The following CSMD3 variants were observed in gnomAD, a reference collection of about 807,000 sequenced individuals.
The protein encoded by CSMD3 is CUB and sushi domain-containing protein 3.
A neutral mutation model predicts 435.2 loss-of-function variants in CSMD3; 177 were observed. That is an observed-to-expected ratio of 0.41 (90% CI 0.36 to 0.46). CSMD3 has a LOEUF of 0.46. Among genes scored for constraint, CSMD3 ranks in the 20% least tolerant of loss-of-function variants. CSMD3 has a pLI of 0.34. For synonymous variants in CSMD3, 1,656 were observed against 1,520.5 expected (o/e 1.09, Z -2.07); for missense variants, 4,265 against 4,504.6 (o/e 0.95, Z 1.52).
intron 7 of CSMD3, among the ~76,000 whole-genome samples, chr8:112,974,725 C>T (rs1406622041): frequency 6.6e-6 from 1 of 151,640 alleles, no homozygotes; most frequent in Non-Finnish European, 1.5e-5. Context: ...TAAGTATTTT[C>T]AGTACAAATT....
At chr8:113,262,311 A>T (rs540508321) in intron 3 of CSMD3, among the ~76,000 whole-genome samples, 1 of 152,102 alleles carries the variant, frequency 6.6e-6, no homozygotes, top group Admixed American at 6.6e-5. Context: ...AAAGTACATT[A>T]TGTTGATTAA....
intron 10 of CSMD3, among the ~76,000 whole-genome samples, chr8:112,867,774 A>T (rs2081025574): frequency 1.3e-5 from 2 of 152,158 alleles, no homozygotes; most frequent in African/African-American, 4.8e-5. Context: ...CAGGATTGGA[A>T]GTTGCTCAAG....
intron 13 of CSMD3, among the ~76,000 whole-genome samples, chr8:112,781,072 G>T (rs2078372731): frequency 2.4e-5 from 1 of 41,962 alleles, no homozygotes; most frequent in Non-Finnish European, 4.2e-5. Flanking sequence ...GGAAAGGAGA[G>T]GATAGAGTAG....
At chr8:113,271,398 C>T (rs2093525205) in intron 3 of CSMD3, among the ~76,000 whole-genome samples, 2 of 152,108 alleles carry the variant, frequency 1.3e-5, no homozygotes, top group South Asian at 2.1e-4. Flanking sequence ...GGTCCTCATG[C>T]TGTATGCAGC....
intron 9 of CSMD3, among the ~76,000 whole-genome samples, chr8:112,944,471 C>T (rs1210718403): frequency 6.6e-6 from 1 of 151,724 alleles, no homozygotes; most frequent in Non-Finnish European, 1.5e-5. Flanking sequence ...GCTTTGGTCT[C>T]TTGAATCTCT....
intron 5 of CSMD3, among the ~76,000 whole-genome samples, chr8:113,092,499 C>T (rs1295737337): frequency 6.6e-6 from 1 of 152,016 alleles, no homozygotes; most frequent in East Asian, 1.9e-4. Context: ...TTGCTTTCCC[C>T]TGAGTCCCTA....
intron 1 of CSMD3, among the ~76,000 whole-genome samples, chr8:113,369,562 C>A (rs1483333428): frequency 2.6e-5 from 4 of 151,824 alleles, no homozygotes; most frequent in African/African-American, 9.7e-5. Flanking sequence ...GGGTATATAT[C>A]AAAATGAAAT....
chr8:113,265,900 C>G (rs1192367425), intron 3 of CSMD3, among the ~76,000 whole-genome samples: 1 of 151,482 alleles, frequency 6.6e-6, no homozygotes, highest in Admixed American at 6.6e-5. Context: ...GCAGGTATGA[C>G]ATTTCCTCGT....
chr8:113,217,267 C>T (rs948732248), intron 3 of CSMD3, among the ~76,000 whole-genome samples: 9 of 151,390 alleles, frequency 5.9e-5, no homozygotes, highest in Non-Finnish European at 1.0e-4. Flanking sequence ...AAACCCACTA[C>T]AACATATTAT....
At chr8:112,234,073 G>T (rs1030720767) in intron 68 of CSMD3, among the ~76,000 whole-genome samples, 3 of 150,574 alleles carry the variant, frequency 2.0e-5, no homozygotes, top group South Asian at 2.1e-4. Flanking sequence ...AAAACTAAAT[G>T]CAGATCAGCA....
At chr8:112,542,887 G>T (rs550230921) in intron 27 of CSMD3, among the ~76,000 whole-genome samples, 2 of 152,174 alleles carry the variant, frequency 1.3e-5, no homozygotes, top group East Asian at 3.9e-4. Context: ...CAATGGAAGA[G>T]AATAGAGAGA....
intron 22 of CSMD3, among the ~76,000 whole-genome samples, chr8:112,610,426 A>G (rs766969944): frequency 6.6e-5 from 10 of 151,968 alleles, no homozygotes; most frequent in Non-Finnish European, 1.2e-4. Flanking sequence ...GGTCTCAAAT[A>G]CAGTTTCAAC....
At chr8:112,882,969 G>A (rs188394903) in intron 10 of CSMD3, among the ~76,000 whole-genome samples, 1 of 152,062 alleles carries the variant, frequency 6.6e-6, no homozygotes, top group East Asian at 2.0e-4. Context: ...TTAAGATTGA[G>A]AAGTGAAATA....
chr8:113,338,625 A>G (rs2094094893), intron 1 of CSMD3, among the ~76,000 whole-genome samples: 1 of 152,016 alleles, frequency 6.6e-6, no homozygotes. Flanking sequence ...CAGTAATAAA[A>G]TAAGATATAT....
chr8:112,803,168 A>G (rs918084636), intron 12 of CSMD3, among the ~76,000 whole-genome samples: 19 of 152,154 alleles, frequency 1.2e-4, no homozygotes, highest in African/African-American at 4.3e-4. Context: ...ATGGAAGAGG[A>G]AATGGATAAA....
At chr8:113,155,997 G>C (rs900880190) in intron 4 of CSMD3, among the ~76,000 whole-genome samples, 1 of 151,982 alleles carries the variant, frequency 6.6e-6, no homozygotes, top group African/African-American at 2.4e-5. Context: ...AAGAGTTAGA[G>C]AATCAGGATT....
chr8:113,417,028 A>G (rs905361960), intron 1 of CSMD3, among the ~76,000 whole-genome samples: 3 of 152,028 alleles, frequency 2.0e-5, no homozygotes, highest in Non-Finnish European at 4.4e-5. Flanking sequence ...AAAATAATAA[A>G]CTTCTTTGAT....
chr8:113,289,060 T>A (rs72670740), intron 2 of CSMD3, among the ~76,000 whole-genome samples: 14,545 of 151,834 alleles, frequency 0.096, 907 homozygotes, highest in Middle Eastern at 0.17. Context: ...TGATTCCATT[T>A]ACTGTTGTGT....
chr8:112,781,816 C>G (rs1338085498), intron 13 of CSMD3, among the ~76,000 whole-genome samples: 1 of 152,132 alleles, frequency 6.6e-6, no homozygotes, highest in Non-Finnish European at 1.5e-5. Context: ...TGAATCTTAC[C>G]TAAGACCACT....
Sources: allele counts gnomAD v4.1 joint callset (sites outside exome capture counted in the v4.1 genomes callset), GRCh38; gene constraint gnomAD v4.1.1; transcripts MANE v1.5; gene names NCBI Gene and HGNC (gene_info 2026-07-23, HGNC 2026-07-21).